PMM1: variants seen among roughly 807,000 people sequenced by gnomAD.
PMM1 encodes the protein brain glucose-1,6-bisphosphatase.
In PMM1, 25 loss-of-function variants were observed where a neutral mutation model predicts 34.0. The observed-to-expected ratio is 0.73, with a 90% confidence interval of 0.54 to 1.03. The LOEUF (loss-of-function observed/expected upper bound fraction) is 1.03, where lower values mean the gene tolerates loss of function less well. Among genes scored for constraint, PMM1 ranks in the 50% least tolerant of loss-of-function variants. The pLI is 0.00. For synonymous variants in PMM1, 134 were observed against 143.9 expected (o/e 0.93, Z 0.49); for missense variants, 321 against 350.1 (o/e 0.92, Z 0.66).
At chr22:41,584,250 G>A (rs373556843) in intron 4 of PMM1, 31 bp downstream of exon 4, 1 of 1,595,460 alleles carries the variant, frequency 6.3e-7, no homozygotes, top group East Asian at 2.2e-5. Context: ...TCAGGCCCCA[G>A]GTTCTGGAGA....
In PMM1 at chr22:41,584,385, C is replaced by T; in HGVS notation, c.283-13G>A. The T allele has an allele frequency of 6.2e-7, 1 of 1,613,176 alleles. No homozygotes were observed. The highest frequency in any genetic ancestry group is 8.5e-7 in the Non-Finnish European group (1 of 1,179,142). On this transcript the variant is annotated splice_polypyrimidine_tract_variant and intron_variant, in intron 3 of 7. Transcript: ENST00000216259. The stretch of plus-strand genomic sequence containing the variant: ...GGTTCTGGATGGTCTGGCCAAGGAA[C>T]ACAGGGCTCTGAGCGTGGCCTGGGC...
chr22:41,584,609 G>C lies in PMM1; in HGVS notation c.206-6C>G, dbSNP rs1181323316. 1 of 1,610,608 alleles carries C rather than the reference G, an allele frequency of 6.2e-7. No homozygotes were observed. The highest frequency in any genetic ancestry group is 8.5e-7 in the Non-Finnish European group (1 of 1,177,376). ...ATAATCAAACTTCTCAATGACTTCAGGGTCACATAGAGGACAGGAGGAAGA... is the reference window on the plus strand; with the variant it reads ...ATAATCAAACTTCTCAATGACTTCACGGTCACATAGAGGACAGGAGGAAGA... On this transcript the variant is annotated splice_polypyrimidine_tract_variant and splice_region_variant and intron_variant, in intron 2 of 7. Coordinates refer to ENST00000216259, the MANE Select transcript of PMM1 (RefSeq NM_002676.3).
Position 41,584,009 on chromosome 22 carries a change from C to T in PMM1, c.424G>A (p.Gly142Ser), listed in dbSNP as rs746718106. The T allele has an allele frequency of 5.0e-6, 8 of 1,613,894 alleles. No homozygotes were observed. Among genetic ancestry groups the T allele is most frequent in the Non-Finnish European group, 6.8e-6 (8 of 1,179,928 alleles). Residue 142 changes from glycine to serine, a missense_variant, in exon 5 of 8, where the codon GGC (glycine) becomes AGC (serine). Physicochemically the swap from Gly to Ser is moderately conservative, Grantham distance 56. Transcript: ENST00000216259. Reference sequence around the variant, plus strand: ...CTCTCCTCCAGGGTGCAGCTCCGGCCGATGGGCGAGATGTTCAGCATGCCA... The same window carrying T: ...CTCTCCTCCAGGGTGCAGCTCCGGCTGATGGGCGAGATGTTCAGCATGCCA... ...RNGMLNISPI[G>S]RSCTLEERIE...
intron 5 of PMM1, chr22:41,579,233 G>A: frequency 3.9e-6 from 1 of 256,274 alleles, no homozygotes; most frequent in South Asian, 5.3e-5. Flanking sequence ...CCTGTTATCT[G>A]TAACCAGCTC....
chr22:41,577,738 G>T, intron 7 of PMM1, 70 bp downstream of exon 7: 2 of 1,192,298 alleles, frequency 1.7e-6, no homozygotes, highest in Non-Finnish European at 2.5e-6. Flanking sequence ...GATTTGCATT[G>T]GAGAAGCCAC....
intron 5 of PMM1, among the ~76,000 whole-genome samples, chr22:41,583,296 G>A (rs993435356): frequency 2.0e-5 from 3 of 152,102 alleles, no homozygotes; most frequent in Non-Finnish European, 4.4e-5. Flanking sequence ...CCTGGCCAAC[G>A]TGGTGAAACC....
intron 2 of PMM1, among the ~76,000 whole-genome samples, chr22:41,585,789 G>C (rs942830736): frequency 1.3e-5 from 2 of 152,126 alleles, no homozygotes; most frequent in Non-Finnish European, 2.9e-5. Flanking sequence ...CACTGTGCCG[G>C]CTGGTTCAGC....
At chr22:41,584,207 G>T in intron 4 of PMM1, 74 bp downstream of exon 4, 1 of 1,424,482 alleles carries the variant, frequency 7.0e-7, no homozygotes, top group Non-Finnish European at 9.9e-7. Context: ...AGTATCTCCA[G>T]GTTCCCTCTG....
intron 1 of PMM1, chr22:41,588,654 C>T (rs1388254300): frequency 1.0e-6 from 1 of 985,282 alleles, no homozygotes; most frequent in Non-Finnish European, 1.2e-6. Flanking sequence ...AAGCAAATGG[C>T]CCACCTTTGC....
At position 41,589,806 on chromosome 22, in the gene PMM1, G is replaced by A; in HGVS notation, c.-1C>T. On this transcript the variant is annotated 5_prime_UTR_variant, in exon 1 of 8. Transcript: ENST00000216259. ...GGGCTGCCTGGGCGGTGACTGCCAT[G>A]GCTGCAGGTCCGCGCGCGGGGCGGA... 6.2e-7 allele frequency: 1 copy of A among 1,604,648 alleles called. No individual in the cohort carries two copies. The highest frequency in any genetic ancestry group is 8.5e-7 in the Non-Finnish European group (1 of 1,176,810).
At chr22:41,589,476 G>C (rs763895556) in intron 1 of PMM1, 1 of 587,752 alleles carries the variant, frequency 1.7e-6, no homozygotes, top group Non-Finnish European at 3.0e-6. Context: ...CCTCCCTCCA[G>C]TACTGGATCC....
At chr22:41,583,862 C>A in intron 5 of PMM1, 97 bp downstream of exon 5, 1 of 812,842 alleles carries the variant, frequency 1.2e-6, no homozygotes, top group Non-Finnish European at 2.2e-6. Flanking sequence ...TAAATCAGAA[C>A]ACATCCCCCA....
intron 5 of PMM1, chr22:41,580,731 C>T (rs1250061239): frequency 6.6e-6 from 1 of 152,132 alleles, no homozygotes; most frequent in Non-Finnish European, 1.5e-5. Flanking sequence ...ATCTATAATC[C>T]CAGCACTTTG....
chr22:41,586,347 A>G (rs1026216019), intron 1 of PMM1, 154 bp from the exon 2 acceptor site: 1 of 1,415,622 alleles, frequency 7.1e-7, no homozygotes, highest in Non-Finnish European at 9.2e-7. Context: ...GACAGGTTGG[A>G]CACTGTGGCT....
intron 5 of PMM1, among the ~76,000 whole-genome samples, chr22:41,583,717 T>G (rs17002504): frequency 0.019 from 2,822 of 152,120 alleles, 89 homozygotes; most frequent in African/African-American, 0.064. Context: ...GTGGAAATGA[T>G]GTTCCCAGGT....
chr22:41,582,400 A>C (rs1241327154), intron 5 of PMM1, among the ~76,000 whole-genome samples: 1 of 152,130 alleles, frequency 6.6e-6, no homozygotes, highest in Non-Finnish European at 1.5e-5. Flanking sequence ...TCGAGGCTGC[A>C]GTGAGCTAGG....
chr22:41,583,171 G>T (rs528838682), intron 5 of PMM1, among the ~76,000 whole-genome samples: 1 of 152,000 alleles, frequency 6.6e-6, no homozygotes, highest in African/African-American at 2.4e-5. Context: ...GGGTGAATGC[G>T]GCTGACATGT....
rs770119036 is a variant in PMM1 at position 41,578,797 on chromosome 22, T to G, written c.550+9A>C. 6.2e-7 allele frequency: 1 copy of G among 1,612,342 alleles called. No homozygotes were observed. The highest frequency in any genetic ancestry group is 1.3e-5 in the African/African-American group (1 of 74,874). On this transcript the variant is annotated intron_variant, in intron 6 of 7. Coordinates refer to ENST00000216259, the MANE Select transcript of PMM1 (RefSeq NM_002676.3). ...CAGGCCTCCCAGGTCCTCTGCAGGGTGGACGTACCTCGAGAGAACCTCAGC... is the reference window on the plus strand; with the variant it reads ...CAGGCCTCCCAGGTCCTCTGCAGGGGGGACGTACCTCGAGAGAACCTCAGC...
At chr22:41,587,757 G>C (rs1299587247) in intron 1 of PMM1, among the ~76,000 whole-genome samples, 1 of 152,190 alleles carries the variant, frequency 6.6e-6, no homozygotes. Flanking sequence ...GGCCTGGAGG[G>C]AAGCCACACC....
Sources: allele counts gnomAD v4.1 joint callset (sites outside exome capture counted in the v4.1 genomes callset), GRCh38; gene constraint gnomAD v4.1.1; transcripts MANE v1.5; gene names NCBI Gene and HGNC (gene_info 2026-07-23, HGNC 2026-07-21).